The following SEMA3E variants were observed in gnomAD, a reference collection of about 807,000 sequenced individuals.
SEMA3E encodes semaphorin-3E.
Under a neutral mutation model 93.6 loss-of-function variants are expected in SEMA3E, and 49 were observed. The ratio of observed to expected loss-of-function variants is 0.52; its 90% CI spans 0.42 to 0.66. SEMA3E has a LOEUF of 0.66. SEMA3E is among the 30% of genes least tolerant of loss of function. The pLI is 0.00. For missense variants in SEMA3E, 906 were observed against 964.8 expected (o/e 0.94, Z 0.81); for synonymous variants, 363 against 330.7 (o/e 1.10, Z -1.06).
chr7:83,509,250 CA>C (rs1173216266), intron 1 of SEMA3E, among the ~76,000 whole-genome samples: 1 of 152,040 alleles, frequency 6.6e-6, no homozygotes, highest in Non-Finnish European at 1.5e-5. Context: ...GGATGATTTT[CA>C]AGGGAGAAAA....
At chr7:83,444,418 A>G (rs1183733480) in intron 4 of SEMA3E, among the ~76,000 whole-genome samples, 2 of 152,130 alleles carry the variant, frequency 1.3e-5, no homozygotes, top group Non-Finnish European at 2.9e-5. Context: ...TGTTAAAAGA[A>G]TGGTTATCTT....
intron 4 of SEMA3E, chr7:83,462,134 C>CGACACT (rs1475927332): frequency 6.6e-6 from 1 of 152,184 alleles, no homozygotes; most frequent in Non-Finnish European, 1.5e-5. Context: ...GGCTGAAGAC[C>CGACACT]GACACTGCCC....
At chr7:83,405,329 T>C (rs1350891702) in intron 9 of SEMA3E, 121 bp downstream of exon 9, 1 of 717,064 alleles carries the variant, frequency 1.4e-6, no homozygotes, top group South Asian at 1.6e-5. Context: ...GATTATAAAG[T>C]GTAGAAAATG....
chr7:83,640,126 C>G (rs568684709), intron 1 of SEMA3E, among the ~76,000 whole-genome samples: 260 of 151,740 alleles, frequency 1.7e-3, no homozygotes, highest in African/African-American at 6.1e-3. Context: ...CTCAGCTGAC[C>G]TCTGTTTTCA....
chr7:83,554,926 A>G (rs1016008042), intron 1 of SEMA3E, among the ~76,000 whole-genome samples: 4 of 151,206 alleles, frequency 2.6e-5, no homozygotes, highest in African/African-American at 9.8e-5. Flanking sequence ...GCAGTGAGCC[A>G]AGATCAGACC....
chr7:83,437,912 G>T (rs1789036525), intron 4 of SEMA3E, among the ~76,000 whole-genome samples: 1 of 152,080 alleles, frequency 6.6e-6, no homozygotes, highest in South Asian at 2.1e-4. Context: ...AGGACAACTT[G>T]TTCATAATAA....
chr7:83,587,585 G>T (rs981707426), intron 1 of SEMA3E, among the ~76,000 whole-genome samples: 5 of 151,900 alleles, frequency 3.3e-5, no homozygotes, highest in Admixed American at 6.6e-5. Context: ...GGTGGCTCGG[G>T]CCTGTAATCT....
chr7:83,588,435 G>C (rs1277440697), intron 1 of SEMA3E, among the ~76,000 whole-genome samples: 2 of 152,164 alleles, frequency 1.3e-5, no homozygotes, highest in South Asian at 2.1e-4. Context: ...GAAAACCTGG[G>C]CAGGTGAACA....
intron 2 of SEMA3E, among the ~76,000 whole-genome samples, chr7:83,479,439 A>G (rs1377502158): frequency 6.6e-6 from 1 of 152,166 alleles, no homozygotes; most frequent in Non-Finnish European, 1.5e-5. Flanking sequence ...ATTTTTGCTT[A>G]CTTCATATCC....
intron 4 of SEMA3E, among the ~76,000 whole-genome samples, chr7:83,434,654 A>C (rs570551570): frequency 2.2e-4 from 33 of 151,936 alleles, no homozygotes; most frequent in Middle Eastern, 6.8e-3. Context: ...TTTGTGCCAC[A>C]CTTTGGCAGA....
intron 1 of SEMA3E, among the ~76,000 whole-genome samples, chr7:83,507,466 GT>G (rs1474108263): frequency 1.3e-5 from 2 of 150,592 alleles, no homozygotes; most frequent in African/African-American, 4.9e-5. Flanking sequence ...GTGTGTGTGT[GT>G]GTGTGTGAAA....
At chr7:83,623,778 C>A (rs904177536) in intron 1 of SEMA3E, among the ~76,000 whole-genome samples, 1 of 151,590 alleles carries the variant, frequency 6.6e-6, no homozygotes, top group South Asian at 2.1e-4. Flanking sequence ...GCATAATGTG[C>A]AGTTTATTAC....
chr7:83,454,690 GC>G (rs907841995), intron 4 of SEMA3E, among the ~76,000 whole-genome samples: 3 of 152,114 alleles, frequency 2.0e-5, no homozygotes, highest in African/African-American at 7.2e-5. Flanking sequence ...TGTATTTGTA[GC>G]ATGTATGCTT....
At chr7:83,610,401 A>G (rs1416586841) in intron 1 of SEMA3E, among the ~76,000 whole-genome samples, 1 of 152,116 alleles carries the variant, frequency 6.6e-6, no homozygotes, top group Non-Finnish European at 1.5e-5. Context: ...AGAATTATTT[A>G]ATTTAATTCA....
At chr7:83,415,814 T>G (rs1021442761) in intron 5 of SEMA3E, among the ~76,000 whole-genome samples, 9 of 152,098 alleles carry the variant, frequency 5.9e-5, no homozygotes, top group African/African-American at 1.9e-4. Flanking sequence ...TGAACAGACA[T>G]TAAACATTGT....
intron 1 of SEMA3E, among the ~76,000 whole-genome samples, chr7:83,638,595 G>A (rs1191326416): frequency 6.6e-6 from 1 of 152,010 alleles, no homozygotes; most frequent in Non-Finnish European, 1.5e-5. Context: ...TGCAGATAAT[G>A]GTAATATAGT....
chr7:83,514,530 G>C (rs967561940), intron 1 of SEMA3E, among the ~76,000 whole-genome samples: 3 of 152,028 alleles, frequency 2.0e-5, no homozygotes, highest in Non-Finnish European at 4.4e-5. Flanking sequence ...TTGTGTTGTT[G>C]TTGTTGGTTT....
rs185781473 is a variant in SEMA3E, at chr7:83,535,158, T to A, written c.116-44884A>T. 2.2e-3 allele frequency among the ~76,000 whole-genome samples: 330 copies of A among 152,308 alleles called. 1 individual carries two copies. The highest frequency in any genetic ancestry group is 3.7e-3 in the Non-Finnish European group (255 of 68,030). On this transcript the variant is annotated intron_variant, in intron 1 of 16. Coordinates refer to ENST00000643230, the MANE Select transcript of SEMA3E (RefSeq NM_012431.3). ...TGTGAATCTGCTGGAATTTTTAACT[T>A]CCTATCTATTTTTAGATAAAGACTC...
intron 2 of SEMA3E, among the ~76,000 whole-genome samples, chr7:83,473,590 T>A (rs1217190654): frequency 6.6e-6 from 1 of 152,148 alleles, no homozygotes; most frequent in African/African-American, 2.4e-5. Context: ...AATTTAAAAA[T>A]CTTGCATAAA....
Sources: allele counts gnomAD v4.1 joint callset (sites outside exome capture counted in the v4.1 genomes callset), GRCh38; gene constraint gnomAD v4.1.1; transcripts MANE v1.5; gene names NCBI Gene and HGNC (gene_info 2026-07-23, HGNC 2026-07-21).